Variants in BMPER observed in about 807,000 individuals in gnomAD.
BMPER encodes BMP-binding endothelial regulator protein.
Under a neutral mutation model 87.3 loss-of-function variants are expected in BMPER, and 45 were observed. The observed-to-expected ratio is 0.52, with a 90% confidence interval of 0.41 to 0.66. The LOEUF (loss-of-function observed/expected upper bound fraction) is 0.66. Among genes scored for constraint, BMPER ranks in the 30% least tolerant of loss-of-function variants. The pLI is 0.00. For synonymous variants in BMPER, 326 were observed against 316.2 expected, an observed-to-expected ratio of 1.03 and a Z score of -0.33; for missense variants, 784 against 867.5, an observed-to-expected ratio of 0.90 and a Z score of 1.21.
At chr7:33,931,240 G>T (rs1215041702) in intron 2 of BMPER, among the ~76,000 whole-genome samples, 1 of 152,182 alleles carries the variant, frequency 6.6e-6, no homozygotes, top group Non-Finnish European at 1.5e-5. Context: ...GCCTATTGGA[G>T]CTAACCTAAT....
chr7:34,147,464 G>GT (rs201125904), intron 14 of BMPER, among the ~76,000 whole-genome samples: 1,550 of 151,952 alleles, frequency 0.01, 15 homozygotes, highest in African/African-American at 0.032. Context: ...GCAGATCCCT[G>GT]TTTTTTTTGT....
chr7:33,928,841 T>C (rs1784419737), intron 2 of BMPER, among the ~76,000 whole-genome samples: 1 of 152,086 alleles, frequency 6.6e-6, no homozygotes, highest in South Asian at 2.1e-4. Flanking sequence ...GAGAACACTG[T>C]CATTTAGTGA....
chr7:34,020,755 G>A (rs1389384598), intron 6 of BMPER, among the ~76,000 whole-genome samples: 1 of 151,868 alleles, frequency 6.6e-6, no homozygotes, highest in Non-Finnish European at 1.5e-5. Context: ...GCAGACAAGA[G>A]CACCAGTTAG....
chr7:33,945,546 C>A (rs569973407), intron 3 of BMPER, among the ~76,000 whole-genome samples: 30 of 152,256 alleles, frequency 2.0e-4, no homozygotes, highest in Non-Finnish European at 2.9e-4. Context: ...GCCACCGTCC[C>A]TGGCCAGTGT....
Position 34,058,173 on chromosome 7 carries a change from G to A in BMPER, c.1032+10G>A. On this transcript the variant is annotated intron_variant, in intron 10 of 14. Coordinates refer to ENST00000649409, the MANE Select transcript of BMPER (RefSeq NM_001365308.1). ...CAGTAGCTGCCCACAGGTATGTTTG[G>A]AACACAGATTGACTTTACCTTAGCG... 1 of 1,610,638 alleles carries A rather than the reference G, an allele frequency of 6.2e-7. No homozygotes were observed. The highest frequency in any genetic ancestry group is 8.5e-7 in the Non-Finnish European group (1 of 1,176,946).
At chr7:33,915,820 C>T (rs145001836) in intron 2 of BMPER, among the ~76,000 whole-genome samples, 22 of 152,330 alleles carry the variant, frequency 1.4e-4, no homozygotes, top group East Asian at 1.3e-3. Flanking sequence ...TCAGCAACTA[C>T]TTCAGTGAAT....
At chr7:33,946,541 C>T (rs540460649) in intron 3 of BMPER, among the ~76,000 whole-genome samples, 1 of 152,338 alleles carries the variant, frequency 6.6e-6, no homozygotes, top group East Asian at 1.9e-4. Context: ...GCCTGCCACT[C>T]AAAATCACCT....
chr7:34,038,013 G>A (rs1033440421), intron 6 of BMPER, among the ~76,000 whole-genome samples: 9 of 152,274 alleles, frequency 5.9e-5, no homozygotes, highest in African/African-American at 1.9e-4. Flanking sequence ...GGACTACACA[G>A]AGAAATTAAA....
At chr7:34,148,330 A>T (rs1390875909) in intron 14 of BMPER, among the ~76,000 whole-genome samples, 1 of 152,122 alleles carries the variant, frequency 6.6e-6, no homozygotes, top group Non-Finnish European at 1.5e-5. Flanking sequence ...TGTTGAACTA[A>T]TGTCTTTCTC....
intron 13 of BMPER, among the ~76,000 whole-genome samples, chr7:34,116,471 G>T (rs192490515): frequency 2.0e-5 from 3 of 152,286 alleles, no homozygotes; most frequent in African/African-American, 7.2e-5. Flanking sequence ...AGAGCTCAGG[G>T]ACAGCTCATT....
chr7:34,077,105 A>G (rs1284462246), intron 11 of BMPER, among the ~76,000 whole-genome samples: 2 of 152,162 alleles, frequency 1.3e-5, no homozygotes, highest in Non-Finnish European at 2.9e-5. Flanking sequence ...GTCCCAAAGA[A>G]CTGCCTTGTT....
chr7:33,945,066 T>C (rs992267666), intron 3 of BMPER, among the ~76,000 whole-genome samples: 9 of 151,994 alleles, frequency 5.9e-5, no homozygotes, highest in East Asian at 2.0e-4. Context: ...CTCAGCCTCC[T>C]GAGTAGCAGG....
intron 6 of BMPER, among the ~76,000 whole-genome samples, chr7:33,993,333 C>A (rs1426622991): frequency 6.6e-6 from 1 of 151,902 alleles, no homozygotes; most frequent in Non-Finnish European, 1.5e-5. Context: ...ATTCTTTTTT[C>A]TCTAAACTTC....
intron 3 of BMPER, among the ~76,000 whole-genome samples, chr7:33,957,302 A>C (rs1004183364): frequency 1.3e-5 from 2 of 151,366 alleles, no homozygotes; most frequent in African/African-American, 4.9e-5. Context: ...GATACATGCA[A>C]CAACTTGGTT....
chr7:33,995,554 T>A (rs1786384210), intron 6 of BMPER, among the ~76,000 whole-genome samples: 1 of 152,176 alleles, frequency 6.6e-6, no homozygotes, highest in Non-Finnish European at 1.5e-5. Context: ...GGAAAGGCAT[T>A]CCAGTAGCAT....
At chr7:34,124,409 A>G (rs1272562675) in intron 13 of BMPER, among the ~76,000 whole-genome samples, 1 of 151,790 alleles carries the variant, frequency 6.6e-6, no homozygotes, top group African/African-American at 2.4e-5. Flanking sequence ...TTTACACAGT[A>G]CATTTTATTG....
chr7:33,975,567 T>G (rs1483928456), intron 6 of BMPER, among the ~76,000 whole-genome samples: 2 of 152,182 alleles, frequency 1.3e-5, no homozygotes, highest in African/African-American at 4.8e-5. Context: ...GTGAAATCAG[T>G]GGTGGTGGTA....
At position 33,906,849 on chromosome 7, in the gene BMPER, A is replaced by C. The variant is rs1364093944; in HGVS notation, c.165A>C (p.Glu55Asp). 1.1e-5 allele frequency: 18 copies of C among 1,613,952 alleles called. No individual in the cohort carries two copies. The highest frequency in any genetic ancestry group is 1.2e-5 in the Non-Finnish European group (14 of 1,179,900). ...TTGCAAAATGTGAAAATGAAGGTGA[A>C]GTCCTCCAGATTCCATTTATCACAG... ...GSVAKCENEGEVLQIPFITDN... is the reference protein window; with the variant it reads ...GSVAKCENEGDVLQIPFITDN... The change falls in exon 2 of 15, where the codon GAA (glutamate) becomes GAC (aspartate). Residue 55 changes from glutamate (E) to aspartate (D), a missense_variant. Transcript: ENST00000649409.
At chr7:34,047,836 T>TTCCTTCC (rs1422905500) in intron 7 of BMPER, among the ~76,000 whole-genome samples, 1 of 149,646 alleles carries the variant, frequency 6.7e-6, no homozygotes, top group Non-Finnish European at 1.5e-5. Context: ...ACTTTCTTGC[T>TTCCTTCC]TTCTTTCTCT....
Sources: allele counts gnomAD v4.1 joint callset (sites outside exome capture counted in the v4.1 genomes callset), GRCh38; gene constraint gnomAD v4.1.1; transcripts MANE v1.5; gene names NCBI Gene and HGNC (gene_info 2026-07-23, HGNC 2026-07-21).